The following ADAMTSL1 variants were observed in gnomAD, a reference collection of about 807,000 sequenced individuals.
The protein encoded by ADAMTSL1 is ADAMTS-like protein 1.
In ADAMTSL1, 126 loss-of-function variants were observed where a neutral mutation model predicts 201.8. The observed-to-expected ratio is 0.62, with a 90% CI of 0.54 to 0.72. The LOEUF (loss-of-function observed/expected upper bound fraction) is 0.72, where lower values mean the gene tolerates loss of function less well. Among genes scored for constraint, ADAMTSL1 ranks in the 30% least tolerant of loss-of-function variants. The pLI is 0.00. For missense variants in ADAMTSL1, 2,679 were observed against 2,277.8 expected (o/e 1.18, Z -3.59); for synonymous variants, 1,121 against 903.4 (o/e 1.24, Z -4.32).
chr9:18,161,222 G>A (rs1827373907), intron 1 of ADAMTSL1, among the ~76,000 whole-genome samples: 1 of 152,018 alleles, frequency 6.6e-6, no homozygotes, highest in South Asian at 2.1e-4. Context: ...GCATTAGTGA[G>A]TGTTCAGCCT....
In ADAMTSL1 at chr9:18,804,973, C is replaced by G. The variant is rs201476296; in HGVS notation, c.3805+9449C>G. 2.3e-4 allele frequency among the ~76,000 whole-genome samples: 35 copies of G among 152,250 alleles called. No homozygotes were observed. The East Asian group carries it at 4.2e-3, about 18-fold the overall frequency. On this transcript the variant is annotated intron_variant, in intron 20 of 28. Coordinates refer to ENST00000380548, the MANE Select transcript of ADAMTSL1 (RefSeq NM_001040272.6). ...TCATTGCTTTAAACTAAAATATTAC[C>G]TTATACTGTACTCAAATATTGCTGT...
intron 1 of ADAMTSL1, among the ~76,000 whole-genome samples, chr9:17,937,911 C>CTT (rs1827082177): frequency 6.6e-6 from 1 of 152,046 alleles, no homozygotes. Flanking sequence ...CCTGCTTGCT[C>CTT]TTAAGAAGAG....
intron 20 of ADAMTSL1, among the ~76,000 whole-genome samples, chr9:18,812,355 A>G (rs1378537761): frequency 6.6e-6 from 1 of 152,226 alleles, no homozygotes; most frequent in Non-Finnish European, 1.5e-5. Flanking sequence ...TGAGAGAGCA[A>G]TTAGACATCC....
chr9:18,646,170 T>G (rs1333875264), intron 7 of ADAMTSL1, among the ~76,000 whole-genome samples: 4 of 151,790 alleles, frequency 2.6e-5, no homozygotes, highest in Non-Finnish European at 4.4e-5. Flanking sequence ...CGGAGTTCAC[T>G]CATGATTTGG....
chr9:17,971,890 C>G (rs1818219946), intron 1 of ADAMTSL1, among the ~76,000 whole-genome samples: 1 of 151,834 alleles, frequency 6.6e-6, no homozygotes, highest in Non-Finnish European at 1.5e-5. Context: ...CTAATCAGAA[C>G]TAGGTAAGAC....
At chr9:18,110,311 A>T (rs1824949274) in intron 1 of ADAMTSL1, among the ~76,000 whole-genome samples, 1 of 152,114 alleles carries the variant, frequency 6.6e-6, no homozygotes, top group Admixed American at 6.6e-5. Flanking sequence ...TCTTCAATTC[A>T]TGTTGCTTCC....
intron 13 of ADAMTSL1, among the ~76,000 whole-genome samples, chr9:18,691,984 C>A (rs970702282): frequency 2.0e-5 from 3 of 152,110 alleles, no homozygotes; most frequent in African/African-American, 7.2e-5. Flanking sequence ...GAAATTGAGG[C>A]AGCTGTTGTA....
At chr9:17,923,834 AG>A (rs1277943217) in intron 1 of ADAMTSL1, among the ~76,000 whole-genome samples, 1 of 132,418 alleles carries the variant, frequency 7.6e-6, no homozygotes, top group African/African-American at 2.8e-5. Flanking sequence ...TTTAGCATGA[AG>A]GGTTGTTGAA....
At chr9:18,419,411 A>T (rs1003020867) in intron 2 of ADAMTSL1, among the ~76,000 whole-genome samples, 1 of 152,170 alleles carries the variant, frequency 6.6e-6, no homozygotes, top group East Asian at 1.9e-4. Flanking sequence ...AATGTTGAAC[A>T]TGTACTTACC....
intron 1 of ADAMTSL1, among the ~76,000 whole-genome samples, chr9:17,938,530 G>A (rs1827104937): frequency 6.6e-6 from 1 of 152,162 alleles, no homozygotes; most frequent in Non-Finnish European, 1.5e-5. Context: ...ACTGAAGCCA[G>A]TATTCCCTAT....
At chr9:18,535,467 T>A (rs574105272) in intron 3 of ADAMTSL1, among the ~76,000 whole-genome samples, 1 of 152,244 alleles carries the variant, frequency 6.6e-6, no homozygotes, top group South Asian at 2.1e-4. Flanking sequence ...CTTTCCCACA[T>A]TTTCCTGTCT....
intron 1 of ADAMTSL1, among the ~76,000 whole-genome samples, chr9:17,914,372 T>C (rs199582545): frequency 2.6e-5 from 4 of 152,108 alleles, no homozygotes; most frequent in Admixed American, 6.5e-5. Context: ...TCAATATACG[T>C]AAATCAATAA....
At chr9:17,934,992 C>A (rs866761722) in intron 1 of ADAMTSL1, among the ~76,000 whole-genome samples, 1 of 150,756 alleles carries the variant, frequency 6.6e-6, no homozygotes, top group African/African-American at 2.4e-5. Flanking sequence ...TATTATTTGC[C>A]CCTTCAGTTA....
intron 3 of ADAMTSL1, among the ~76,000 whole-genome samples, chr9:18,533,912 C>T (rs1033987832): frequency 6.6e-6 from 1 of 152,128 alleles, no homozygotes; most frequent in Non-Finnish European, 1.5e-5. Context: ...TGAGATACAG[C>T]TTGGAGGACT....
intron 4 of ADAMTSL1, among the ~76,000 whole-genome samples, chr9:18,591,527 C>T (rs190950943): frequency 4.3e-4 from 66 of 152,212 alleles, no homozygotes; most frequent in African/African-American, 1.6e-3. Context: ...ATGTTATTAT[C>T]GATAAGTAAG....
At chr9:18,796,447 G>T (rs1358703879) in intron 20 of ADAMTSL1, 2 of 152,116 alleles carry the variant, frequency 1.3e-5, no homozygotes, top group Non-Finnish European at 2.9e-5. Context: ...CTTTTCAATT[G>T]CTGCTCTCAT....
intron 23 of ADAMTSL1, among the ~76,000 whole-genome samples, chr9:18,875,179 T>C (rs947676500): frequency 2.0e-5 from 3 of 152,166 alleles, no homozygotes; most frequent in Non-Finnish European, 4.4e-5. Flanking sequence ...ACTAATGGTC[T>C]ATCAGTTTTG....
At chr9:18,731,486 C>G (rs1280612138) in intron 15 of ADAMTSL1, among the ~76,000 whole-genome samples, 1 of 152,008 alleles carries the variant, frequency 6.6e-6, no homozygotes, top group Non-Finnish European at 1.5e-5. Flanking sequence ...CAAAAATTAG[C>G]CGGCCACAGT....
At chr9:18,900,383 T>C (rs1829936303) in intron 26 of ADAMTSL1, among the ~76,000 whole-genome samples, 1 of 152,118 alleles carries the variant, frequency 6.6e-6, no homozygotes, top group Non-Finnish European at 1.5e-5. Flanking sequence ...TCATCAAAGA[T>C]CTAGAGGCAG....
Sources: allele counts gnomAD v4.1 joint callset (sites outside exome capture counted in the v4.1 genomes callset), GRCh38; gene constraint gnomAD v4.1.1; transcripts MANE v1.5; gene names NCBI Gene and HGNC (gene_info 2026-07-23, HGNC 2026-07-21).